The following TBC1D8B variants were observed in gnomAD, a reference collection of about 807,000 sequenced individuals.
The protein encoded by TBC1D8B is RP11-321G1.1.
Under a neutral mutation model 82.9 loss-of-function variants are expected in TBC1D8B, and 75 were observed. The ratio of observed to expected loss-of-function variants is 0.90; its 90% confidence interval spans 0.75 to 1.10. The LOEUF (loss-of-function observed/expected upper bound fraction) is 1.10. Among genes scored for constraint, TBC1D8B ranks in the 50% least tolerant of loss-of-function variants. The probability of loss-of-function intolerance (pLI) is 0.00; values close to 1 mark genes in which losing one functional copy is unlikely to be tolerated. For synonymous variants in TBC1D8B, 276 were observed against 276.8 expected, an observed-to-expected ratio of 1.00 and a Z score of 0.03; for missense variants, 794 against 796.9, an observed-to-expected ratio of 1.00 and a Z score of 0.04.
chrX:106,873,420 G>T lies in TBC1D8B; in HGVS notation c.2968-150G>T, dbSNP rs1422959887. Reference sequence around the variant, plus strand: ...ATACTCACCTTTCTAGAACCAATATGTATTTTGGGGTTAATCACCAGTTCT... The same window carrying T: ...ATACTCACCTTTCTAGAACCAATATTTATTTTGGGGTTAATCACCAGTTCT... On this transcript the variant is annotated intron_variant, in intron 20 of 20. Coordinates refer to ENST00000357242, the MANE Select transcript of TBC1D8B (RefSeq NM_017752.3). 2.0e-5 allele frequency: 11 copies of T among 554,138 alleles called. No individual in the cohort carries two copies. The African/African-American group carries it at 2.4e-4, about 12-fold the overall frequency. The allele number at this position is 554,138 out of a possible 1,213,427, so 45.7% of individuals were successfully genotyped here.
chrX:106,851,194 A>T (rs1932578558), intron 12 of TBC1D8B, among the ~76,000 whole-genome samples: 1 of 112,042 alleles, frequency 8.9e-6, no homozygotes, highest in Non-Finnish European at 1.9e-5. Context: ...GTTCAAGACC[A>T]GCCTGGCCAA....
At chrX:106,856,902 TG>T (rs1484491179) in intron 14 of TBC1D8B, among the ~76,000 whole-genome samples, 1 of 111,439 alleles carries the variant, frequency 9.0e-6, no homozygotes, top group East Asian at 2.8e-4. Flanking sequence ...AATTCTTTAT[TG>T]GCTGTGTGTG....
chrX:106,846,204 G>A (rs751200113), intron 10 of TBC1D8B, among the ~76,000 whole-genome samples: 11 of 102,274 alleles, frequency 1.1e-4, no homozygotes, highest in South Asian at 1.0e-3. Context: ...AGGTTCAAGC[G>A]ATTCTCCTGT....
chrX:106,866,802 A>G lies in TBC1D8B; in HGVS notation c.2668A>G (p.Met890Val), dbSNP rs1932817917. Residue 890 changes from methionine (M) to valine (V), a missense_variant, in exon 17 of 21, where the codon ATG (methionine) becomes GTG (valine). Met to Val is a conservative substitution (Grantham distance 21). Coordinates refer to ENST00000357242, the MANE Select transcript of TBC1D8B (RefSeq NM_017752.3). ...FKEFSSAIDI[M>V]YNGSFTEKLK... ...AATTGAATTTTATTGAACAGACATAATGTACAATGGAAGTTTTACTGAGAA... is the reference window on the plus strand; with the variant it reads ...AATTGAATTTTATTGAACAGACATAGTGTACAATGGAAGTTTTACTGAGAA... 1 of 1,165,224 alleles carries G rather than the reference A, an allele frequency of 8.6e-7. No homozygotes were observed. Among genetic ancestry groups the G allele is most frequent in the East Asian group, 3.1e-5 (1 of 32,688 alleles).
chrX:106,834,969 A>G (rs1352785644), intron 7 of TBC1D8B, among the ~76,000 whole-genome samples: 1 of 111,763 alleles, frequency 8.9e-6, no homozygotes. Flanking sequence ...CTGTCAGTGG[A>G]TCTACCATTC....
chrX:106,863,881 G>A (rs1932795580), intron 14 of TBC1D8B, among the ~76,000 whole-genome samples: 1 of 111,454 alleles, frequency 9.0e-6, no homozygotes, highest in South Asian at 3.8e-4. Flanking sequence ...CCAGTGACAG[G>A]AGCAGGTGGG....
At chrX:106,867,136 T>G (rs1459564376) in intron 17 of TBC1D8B, among the ~76,000 whole-genome samples, 1 of 111,742 alleles carries the variant, frequency 8.9e-6, no homozygotes, top group Admixed American at 9.5e-5. Context: ...GAATCACATA[T>G]CATTTGATTG....
chrX:106,818,058 C>T (rs1324686721), intron 1 of TBC1D8B, among the ~76,000 whole-genome samples: 1 of 110,652 alleles, frequency 9.0e-6, no homozygotes, highest in African/African-American at 3.3e-5. Flanking sequence ...AAGAAAATCC[C>T]TGTACAGAAG....
At chrX:106,832,531 A>G (rs1932073189) in intron 7 of TBC1D8B, among the ~76,000 whole-genome samples, 2 of 111,274 alleles carry the variant, frequency 1.8e-5, no homozygotes, top group African/African-American at 6.5e-5. Flanking sequence ...AATGGAAAGC[A>G]CTACTGAAGA....
intron 7 of TBC1D8B, 112 bp downstream of exon 7, chrX:106,827,449 T>C (rs1483056633): frequency 6.1e-6 from 5 of 826,286 alleles, no homozygotes; most frequent in Non-Finnish European, 8.6e-6. Flanking sequence ...CAGGGGTTTT[T>C]TTTAAAGATA....
intron 1 of TBC1D8B, among the ~76,000 whole-genome samples, chrX:106,816,362 A>T (rs751446431): frequency 8.9e-6 from 1 of 111,892 alleles, no homozygotes; most frequent in East Asian, 2.8e-4. Context: ...TTCTGAAGAC[A>T]CTATCTGCAT....
intron 17 of TBC1D8B, 53 bp downstream of exon 17, chrX:106,866,915 G>T: frequency 1.1e-6 from 1 of 923,505 alleles, no homozygotes; most frequent in Non-Finnish European, 1.5e-6. Flanking sequence ...TTCCATTTTA[G>T]CAAGTATAAT....
intron 10 of TBC1D8B, among the ~76,000 whole-genome samples, chrX:106,847,733 A>G (rs943214956): frequency 9.0e-6 from 1 of 111,593 alleles, no homozygotes; most frequent in Admixed American, 9.5e-5. Context: ...ATCCTACTTG[A>G]TAGGGGAAAG....
In TBC1D8B at chrX:106,871,049, T is replaced by C. The variant is rs541320774; in HGVS notation, c.2967+236T>C. Among the ~76,000 whole-genome samples the C allele has an allele frequency of 7.2e-5, 8 of 111,432 alleles. No homozygotes were observed. The South Asian group carries it at 2.7e-3, about 38-fold the overall frequency. ...ATTCTTCTGCTGTGACATGTACCTA[T>C]AGAAAAAAAGTATGTGTAGTATATT... On this transcript the variant is annotated intron_variant, in intron 20 of 20. Coordinates refer to ENST00000357242, the MANE Select transcript of TBC1D8B (RefSeq NM_017752.3).
At chrX:106,870,308 G>A (rs773825791) in intron 19 of TBC1D8B, among the ~76,000 whole-genome samples, 1 of 112,527 alleles carries the variant, frequency 8.9e-6, no homozygotes, top group South Asian at 3.7e-4. Flanking sequence ...TGGGATTACA[G>A]GCGTGAGCCA....
In TBC1D8B at chrX:106,802,959, G is replaced by C. The variant is rs1170316468; in HGVS notation, c.106G>C (p.Glu36Gln). 1 of 1,206,609 alleles carries C rather than the reference G, an allele frequency of 8.3e-7. No individual in the cohort carries two copies. The highest frequency in any genetic ancestry group is 1.1e-6 in the Non-Finnish European group (1 of 893,891). ...FVLQRRRGYGEEGGGGLTGLL... is the reference protein window; with the variant it reads ...FVLQRRRGYGQEGGGGLTGLL... ...GCTGCAGCGGCGTCGGGGCTACGGG[G>C]AGGAAGGCGGAGGGGGGCTCACAGG... Residue 36 changes from glutamate (E) to glutamine (Q), a missense_variant, in exon 1 of 21, where the codon GAG (glutamate) becomes CAG (glutamine). By Grantham distance (29) the Glu-to-Gln change is conservative (BLOSUM62 2). Coordinates refer to ENST00000357242, the MANE Select transcript of TBC1D8B (RefSeq NM_017752.3).
intron 1 of TBC1D8B, among the ~76,000 whole-genome samples, chrX:106,816,615 G>T (rs1323426151): frequency 9.8e-6 from 1 of 101,636 alleles, no homozygotes; most frequent in Non-Finnish European, 2.1e-5. Flanking sequence ...TTTTTTAAAA[G>T]CTTCAATTCA....
At chrX:106,851,480 A>G (rs997325850) in intron 12 of TBC1D8B, among the ~76,000 whole-genome samples, 4 of 111,619 alleles carry the variant, frequency 3.6e-5, no homozygotes, top group African/African-American at 9.8e-5. Flanking sequence ...TTTGTTACAT[A>G]TGTATACATG....
chrX:106,813,985 C>T (rs909845398), intron 1 of TBC1D8B: 1 of 109,294 alleles, frequency 9.1e-6, no homozygotes, highest in African/African-American at 3.3e-5. Context: ...TTAGGTATAT[C>T]TCTTAATGCT....
Sources: allele counts gnomAD v4.1 joint callset (sites outside exome capture counted in the v4.1 genomes callset), GRCh38; gene constraint gnomAD v4.1.1; transcripts MANE v1.5; gene names NCBI Gene and HGNC (gene_info 2026-07-23, HGNC 2026-07-21).